ADAMTSL1: variants seen among roughly 807,000 people sequenced by gnomAD.
ADAMTSL1 encodes ADAMTS like 1, also known as ADAMTS-like protein 1.
A neutral mutation model predicts 201.8 loss-of-function variants in ADAMTSL1; 126 were observed. The ratio of observed to expected loss-of-function variants is 0.62; its 90% CI spans 0.54 to 0.72. ADAMTSL1 has a LOEUF of 0.72. ADAMTSL1 is among the 30% of genes least tolerant of loss of function. The pLI is 0.00. For synonymous variants in ADAMTSL1, 1,121 were observed against 903.4 expected, an observed-to-expected ratio of 1.24 and a Z score of -4.32; for missense variants, 2,679 against 2,277.8, an observed-to-expected ratio of 1.18 and a Z score of -3.59.
intron 2 of ADAMTSL1, among the ~76,000 whole-genome samples, chr9:18,458,946 T>C (rs1040352493): frequency 6.6e-6 from 1 of 152,198 alleles, no homozygotes; most frequent in South Asian, 2.1e-4. Context: ...TAAAAAACAG[T>C]ATTTGCTGCC....
intron 1 of ADAMTSL1, among the ~76,000 whole-genome samples, chr9:17,926,951 A>T (rs937058826): frequency 6.6e-6 from 1 of 152,180 alleles, no homozygotes; most frequent in African/African-American, 2.4e-5. Flanking sequence ...TTTACATTTC[A>T]GTAGTGTGAA....
chr9:18,705,338 T>A (rs916470984), intron 13 of ADAMTSL1, among the ~76,000 whole-genome samples: 4 of 152,198 alleles, frequency 2.6e-5, no homozygotes, highest in Non-Finnish European at 5.9e-5. Context: ...TCCCAAAGTT[T>A]TTGTCTGAAT....
chr9:18,265,120 C>CT (rs1211770609), intron 2 of ADAMTSL1, among the ~76,000 whole-genome samples: 1 of 152,154 alleles, frequency 6.6e-6, no homozygotes, highest in Non-Finnish European at 1.5e-5. Flanking sequence ...ACAAAAGGCA[C>CT]TTTAAATTCT....
At chr9:18,588,911 A>G (rs1046750469) in intron 4 of ADAMTSL1, among the ~76,000 whole-genome samples, 2 of 129,882 alleles carry the variant, frequency 1.5e-5, no homozygotes, top group African/African-American at 2.7e-5. Flanking sequence ...ATACATATAT[A>G]TACACATTTT....
chr9:17,915,699 C>T (rs1242325923), intron 1 of ADAMTSL1, among the ~76,000 whole-genome samples: 3 of 152,190 alleles, frequency 2.0e-5, no homozygotes, highest in Non-Finnish European at 4.4e-5. Context: ...TCCTCTGCAT[C>T]CTTGCCAATA....
At position 18,892,554 on chromosome 9, in the gene ADAMTSL1, C is replaced by G. The variant is rs200090957; in HGVS notation, c.4809C>G (p.Asn1603Lys). The change falls in exon 26 of 29, where the codon AAC (asparagine) becomes AAG (lysine). Residue 1603 changes from asparagine (N) to lysine (K), a missense_variant. Coordinates refer to ENST00000380548, the MANE Select transcript of ADAMTSL1 (RefSeq NM_001040272.6). Reference sequence around the variant, plus strand: ...GGCCTGTGGACACCCAGGCCTGTAACCAGCAGCTGTGTGTGGAGTGGGCCT... The same window carrying G: ...GGCCTGTGGACACCCAGGCCTGTAAGCAGCAGCTGTGTGTGGAGTGGGCCT... Reference protein sequence around the residue: ...AKRPVDTQACNQQLCVEWAFS... With the variant: ...AKRPVDTQACKQQLCVEWAFS... 25 of 1,577,594 alleles carry G rather than the reference C, an allele frequency of 1.6e-5. No individual in the cohort carries two copies. The highest frequency in any genetic ancestry group is 2.1e-5 in the Non-Finnish European group (24 of 1,161,500).
chr9:17,931,731 C>G (rs946095286), intron 1 of ADAMTSL1, among the ~76,000 whole-genome samples: 2 of 152,038 alleles, frequency 1.3e-5, no homozygotes, highest in African/African-American at 4.8e-5. Context: ...GAACACTCGT[C>G]CAAAAGCAGA....
At chr9:18,781,550 C>G (rs1279963120) in intron 19 of ADAMTSL1, among the ~76,000 whole-genome samples, 1 of 152,210 alleles carries the variant, frequency 6.6e-6, no homozygotes, top group Admixed American at 6.5e-5. Flanking sequence ...AGGCACAGAG[C>G]TGCCATTAGG....
intron 4 of ADAMTSL1, among the ~76,000 whole-genome samples, chr9:18,620,234 C>A (rs1183683572): frequency 6.6e-6 from 1 of 152,026 alleles, no homozygotes; most frequent in African/African-American, 2.4e-5. Context: ...ATATTTTATG[C>A]TCTCAGAGTG....
chr9:18,594,939 C>G (rs1193791238), intron 4 of ADAMTSL1, among the ~76,000 whole-genome samples: 1 of 152,192 alleles, frequency 6.6e-6, no homozygotes, highest in Non-Finnish European at 1.5e-5. Context: ...TTTCTTTGTG[C>G]TTGTCCTTCT....
At chr9:17,966,015 G>A (rs566236614) in intron 1 of ADAMTSL1, among the ~76,000 whole-genome samples, 63 of 152,204 alleles carry the variant, frequency 4.1e-4, no homozygotes, top group African/African-American at 1.5e-3. Context: ...ACAAGCAAAC[G>A]AATCTCCTGT....
chr9:18,799,819 GAAAATA>G (rs1313844358), intron 20 of ADAMTSL1, among the ~76,000 whole-genome samples: 1 of 152,088 alleles, frequency 6.6e-6, no homozygotes, highest in Non-Finnish European at 1.5e-5. Context: ...ACCTCACTGG[GAAAATA>G]AAAATAAAAG....
Position 18,042,728 on chromosome 9 carries a change from T to C in ADAMTSL1, c.88-121134T>C, listed in dbSNP as rs185040266. Among the ~76,000 whole-genome samples, 80 of 152,258 alleles carry C rather than the reference T, an allele frequency of 5.3e-4. 1 individual carries two copies. Among genetic ancestry groups the C allele is most frequent in the Non-Finnish European group, 7.4e-5 (5 of 68,006 alleles). On this transcript the variant is annotated intron_variant, in intron 1 of 29. Coordinates refer to the ADAMTSL1 transcript ENST00000680146. The stretch of plus-strand genomic sequence containing the variant: ...AAGTTATATTTTGTGGAAATTAAAC[T>C]CATGAAAGCCTGAGTTATAACTTCT...
At chr9:18,834,111 T>C (rs76865573) in intron 23 of ADAMTSL1, among the ~76,000 whole-genome samples, 5,347 of 152,202 alleles carry the variant, frequency 0.035, 334 homozygotes, top group African/African-American at 0.12. Context: ...ACTTTGAAGT[T>C]GGGTAGCGTG....
intron 3 of ADAMTSL1, among the ~76,000 whole-genome samples, chr9:18,565,624 A>G (rs986806280): frequency 2.0e-4 from 30 of 151,996 alleles, no homozygotes; most frequent in African/African-American, 6.5e-4. Flanking sequence ...AAATTAGCCA[A>G]GAACGGCCTT....
At chr9:18,621,411 A>C (rs537093692) in intron 4 of ADAMTSL1, among the ~76,000 whole-genome samples, 15 of 152,290 alleles carry the variant, frequency 9.8e-5, no homozygotes, top group African/African-American at 3.4e-4. Flanking sequence ...CATGGCCTCA[A>C]CTATAGAATG....
chr9:18,310,371 A>AG (rs1834089701), intron 2 of ADAMTSL1, among the ~76,000 whole-genome samples: 1 of 65,678 alleles, frequency 1.5e-5, no homozygotes, highest in Admixed American at 1.5e-4. Context: ...CTGCATAGCA[A>AG]AAAAAAAAAA....
intron 1 of ADAMTSL1, among the ~76,000 whole-genome samples, chr9:18,077,417 A>G (rs1376257270): frequency 3.9e-5 from 6 of 152,168 alleles, no homozygotes; most frequent in African/African-American, 1.4e-4. Flanking sequence ...GCTAGAAACT[A>G]AGGTGGAAAA....
chr9:18,143,677 A>T (rs1326382151), intron 1 of ADAMTSL1, among the ~76,000 whole-genome samples: 1 of 152,132 alleles, frequency 6.6e-6, no homozygotes, highest in East Asian at 1.9e-4. Flanking sequence ...TTTAACAGAC[A>T]CTTCATTCTG....
Sources: gnomAD v4.1 joint callset for allele counts (sites outside exome capture counted in the v4.1 genomes callset) on GRCh38, gnomAD v4.1.1 for gene constraint, MANE v1.5 for transcripts, NCBI Gene and HGNC (gene_info 2026-07-23, HGNC 2026-07-21) for gene names.